Variants in MCM4 observed in about 807,000 individuals in gnomAD.
MCM4 encodes DNA replication licensing factor MCM4.
Under a neutral mutation model 88.7 loss-of-function variants are expected in MCM4, and 60 were observed. The observed-to-expected ratio is 0.68, with a 90% confidence interval of 0.55 to 0.84. MCM4 has a LOEUF of 0.84. Among genes scored for constraint, MCM4 ranks in the 40% least tolerant of loss-of-function variants. The pLI, the probability that MCM4 is intolerant of heterozygous loss-of-function variation, is 0.00. For missense variants in MCM4, 1,149 were observed against 1,105.5 expected, an observed-to-expected ratio of 1.04 and a Z score of -0.56; for synonymous variants, 465 against 410.5, an observed-to-expected ratio of 1.13 and a Z score of -1.61.
At chr8:47,966,637 A>C (rs1181438615) in intron 9 of MCM4, among the ~76,000 whole-genome samples, 1 of 152,210 alleles carries the variant, frequency 6.6e-6, no homozygotes, top group East Asian at 1.9e-4. Context: ...CTGTTGTTAG[A>C]GACACTGTAT....
At chr8:47,970,296 C>T (rs2090940741) in intron 11 of MCM4, among the ~76,000 whole-genome samples, 1 of 152,198 alleles carries the variant, frequency 6.6e-6, no homozygotes, top group South Asian at 2.1e-4. Context: ...AGAATAGGGA[C>T]TTGCATGGCC....
intron 7 of MCM4, 35 bp from the exon 8 acceptor site, chr8:47,964,539 T>C: frequency 1.3e-6 from 2 of 1,526,970 alleles, no homozygotes; most frequent in Non-Finnish European, 1.8e-6. Flanking sequence ...CACTGAGATA[T>C]GAATACAAAT....
rs1431616936 is a variant in MCM4, at chr8:47,962,869, T to C, written c.597+10T>C. On this transcript the variant is annotated intron_variant, in intron 6 of 16. Coordinates refer to ENST00000649973, the MANE Select transcript of MCM4 (RefSeq NM_182746.3). The stretch of plus-strand genomic sequence containing the variant: ...GCAACGACTTGGGGAGGTAATCAAA[T>C]ACTCTTTAAATTCAAGTTACGTGTT... The C allele has an allele frequency of 6.3e-7, 1 of 1,588,688 alleles. No individual in the cohort carries two copies. The highest frequency in any genetic ancestry group is 8.6e-7 in the Non-Finnish European group (1 of 1,166,992).
intron 9 of MCM4, among the ~76,000 whole-genome samples, chr8:47,966,718 T>C (rs1401795321): frequency 6.6e-6 from 1 of 152,260 alleles, no homozygotes; most frequent in Admixed American, 6.5e-5. Context: ...GCTTTTTCCA[T>C]TGGTAAAGGA....
In MCM4 at chr8:47,972,869, C is replaced by G. The variant is rs200176873; in HGVS notation, c.1941C>G (p.Ile647Met). The G allele has an allele frequency of 6.2e-7, 1 of 1,614,004 alleles. No individual in the cohort carries two copies. Among genetic ancestry groups the G allele is most frequent in the Non-Finnish European group, 8.5e-7 (1 of 1,179,910 alleles). ...TTTGTTTTCTTAGGTTTGATTTGAT[C>G]TTCCTCTTGCTGGACCCTCAGGACG... ...PHTLLSRFDL[I>M]FLLLDPQDEA... Residue 647 changes from isoleucine (I) to methionine (M), a missense_variant, in exon 14 of 17, where the codon ATC becomes ATG. Physicochemically the swap from Ile to Met is conservative, Grantham distance 10. Coordinates refer to ENST00000649973, the MANE Select transcript of MCM4 (RefSeq NM_182746.3).
Position 47,964,584 on chromosome 8 carries a change from C to G in MCM4, c.704C>G (p.Pro235Arg). ...TATTTGTTTTTACAGGAAGTTATTC[C>G]AACTTTTGACATGGCTGTCAATGAA... ...QLISYPQEVI[P>R]TFDMAVNEIF... Residue 235 changes from proline (P) to arginine (R), a missense_variant, in exon 8 of 17, where the codon CCA becomes CGA. Physicochemically the swap from Pro to Arg is moderately radical, Grantham distance 103. Around this residue, in one of 3 missense-constraint regions of MCM4, gnomAD observed 906 missense variants for 843.0 expected, o/e 1.07. Coordinates refer to ENST00000649973, the MANE Select transcript of MCM4 (RefSeq NM_182746.3). The G allele has an allele frequency of 3.1e-6, 5 of 1,588,350 alleles. No homozygotes were observed. Among genetic ancestry groups the G allele is most frequent in the Non-Finnish European group, 4.3e-6 (5 of 1,172,556 alleles).
rs1007825118 is a variant in MCM4 at position 47,966,511 on chromosome 8, G to T, written c.1053+104G>T. On this transcript the variant is annotated intron_variant, in intron 9 of 16. Transcript: ENST00000649973. ...GACCCTGAGCCTCACTTCCCGAATGGCATCCATCCCTCTCTGGTCTTGTGG... is the reference window on the plus strand; with the variant it reads ...GACCCTGAGCCTCACTTCCCGAATGTCATCCATCCCTCTCTGGTCTTGTGG... 1.8e-5 allele frequency: 20 copies of T among 1,139,958 alleles called. No homozygotes were observed. The African/African-American group carries it at 3.1e-4, about 18-fold the overall frequency. 70.6% of individuals were successfully genotyped at this position (1,139,958 alleles called of 1,614,324 possible).
At position 47,967,455 on chromosome 8, in the gene MCM4, G is replaced by A. The variant is rs909590367; in HGVS notation, c.1144G>A (p.Val382Ile). ...LFAHNDLVDKVQPGDRVNVTG... is the reference protein window; with the variant it reads ...LFAHNDLVDKIQPGDRVNVTG... Reference sequence around the variant, plus strand: ...TGCTCACAATGATCTCGTTGACAAGGTCCAGCCTGGGGACAGAGTGAATGT... The same window carrying A: ...TGCTCACAATGATCTCGTTGACAAGATCCAGCCTGGGGACAGAGTGAATGT... The change falls in exon 10 of 17, where the codon GTC (valine) becomes ATC (isoleucine). Residue 382 changes from valine to isoleucine, a missense_variant. Coordinates refer to ENST00000649973, the MANE Select transcript of MCM4 (RefSeq NM_182746.3). 6.2e-7 allele frequency: 1 copy of A among 1,614,158 alleles called. No individual in the cohort carries two copies.
chr8:47,968,297 T>G (rs1766191638), intron 10 of MCM4, among the ~76,000 whole-genome samples: 1 of 152,204 alleles, frequency 6.6e-6, no homozygotes, highest in Non-Finnish European at 1.5e-5. Flanking sequence ...GTGCTCACCC[T>G]GTTTCTTCCC....
rs1305969274 is a variant in MCM4 at position 47,977,616 on chromosome 8, G to A, written c.*838G>A. 1 of 152,180 alleles carries A rather than the reference G, an allele frequency of 6.6e-6. No individual in the cohort carries two copies. Among genetic ancestry groups the A allele is most frequent in the Non-Finnish European group, 1.5e-5 (1 of 68,084 alleles). 9.4% of individuals were successfully genotyped at this position (152,180 alleles called of 1,614,324 possible). On this transcript the variant is annotated 3_prime_UTR_variant, in exon 17 of 17. Transcript: ENST00000649973. ...CCTGGGCTCAGGTGTATGTCACTAT[G>A]CCCGGCTACTTTTTGTATTTTTTGG...
chr8:47,961,319 C>T (rs1476948799), intron 2 of MCM4, 105 bp downstream of exon 2: 4 of 1,444,222 alleles, frequency 2.8e-6, no homozygotes, highest in African/African-American at 2.9e-5. Context: ...GGGCGCTCAG[C>T]CTCGGGCTGG....
In MCM4 at chr8:47,963,059, C is replaced by T. The variant is rs748527906; in HGVS notation, c.693+19C>T. 8 of 1,400,354 alleles carry T rather than the reference C, an allele frequency of 5.7e-6. No individual in the cohort carries two copies. In the East Asian group the frequency reaches 1.6e-4, roughly 28 times the overall value. The allele number at this position is 1,400,354 out of a possible 1,614,324, so 86.7% of individuals were successfully genotyped here. On this transcript the variant is annotated intron_variant, in intron 7 of 16. Transcript: ENST00000649973. ...CCCACAGGTAAGAATTTAGCTTTGACCTTGATGAATTTTAGTAACAGTCTA... is the reference window on the plus strand; with the variant it reads ...CCCACAGGTAAGAATTTAGCTTTGATCTTGATGAATTTTAGTAACAGTCTA...
rs373393439 is a variant in MCM4 at position 47,962,059 on chromosome 8, C to T, written c.242C>T (p.Pro81Leu). 3.1e-6 allele frequency: 5 copies of T among 1,613,940 alleles called. No individual in the cohort carries two copies. Among genetic ancestry groups the T allele is most frequent in the Admixed American group, 1.7e-5 (1 of 59,982 alleles). ...CCTAATTTTGTTTTTATAGCTATCC[C>T]TCTTGACTTTGATGTTAGTTCACCA... ...SPPQMHSSAI[P>L]LDFDVSSPLT... Residue 81 changes from proline (P) to leucine (L), a missense_variant, in exon 4 of 17, where the codon CCT becomes CTT. By Grantham distance (98) the Pro-to-Leu change is moderately conservative. Transcript: ENST00000649973.
intron 14 of MCM4, 199 bp from the exon 15 acceptor site, chr8:47,974,535 C>T (rs185606789): frequency 1.5e-4 from 84 of 573,774 alleles, no homozygotes; most frequent in Non-Finnish European, 2.4e-4. Flanking sequence ...CCCACCACTG[C>T]ACGCTGCACG....
chr8:47,961,900 A>T, intron 3 of MCM4, 153 bp from the exon 4 acceptor site: 1 of 908,236 alleles, frequency 1.1e-6, no homozygotes, highest in Admixed American at 2.8e-5. Context: ...CTTTTTTTTA[A>T]TAGAACATTT....
intron 3 of MCM4, 121 bp from the exon 4 acceptor site, chr8:47,961,932 C>T: frequency 2.0e-6 from 2 of 1,004,798 alleles, no homozygotes; most frequent in Non-Finnish European, 3.0e-6. Flanking sequence ...GAATCTCAGC[C>T]ACCGCAGGTT....
chr8:47,961,642 A>T lies in MCM4; in HGVS notation c.197A>T (p.Asp66Val), dbSNP rs1381429191. Residue 66 changes from aspartate to valine, a missense_variant, in exon 3 of 17, where the codon GAC (aspartate) becomes GTC (valine). Asp to Val is a radical substitution (Grantham distance 152). Around this residue, in one of 3 missense-constraint regions of MCM4, gnomAD observed 906 missense variants for 843.0 expected, o/e 1.07. Transcript: ENST00000649973. ...GACCTGCAGAGCCCTGCTGCGCAGG[A>T]CGTGCTGTTTTCCAGCCCTCCCCAA... ...GVDLQSPAAQ[D>V]VLFSSPPQMH... is the part of the protein sequence containing the mutation. 6 of 1,612,978 alleles carry T rather than the reference A, an allele frequency of 3.7e-6. No homozygotes were observed. The East Asian group carries it at 1.3e-4, about 36-fold the overall frequency.
At chr8:47,968,671 G>A (rs1359904348) in intron 10 of MCM4, among the ~76,000 whole-genome samples, 2 of 152,206 alleles carry the variant, frequency 1.3e-5, no homozygotes, top group African/African-American at 2.4e-5. Flanking sequence ...AAGAATGTGT[G>A]TAAACTGGTT....
intron 7 of MCM4, 97 bp from the exon 8 acceptor site, chr8:47,964,477 A>G (rs759983034): frequency 2.3e-6 from 2 of 887,508 alleles, no homozygotes; most frequent in Non-Finnish European, 3.3e-6. Context: ...TGGGGACATG[A>G]CATGTTGTCT....
Sources: gnomAD v4.1 joint callset for allele counts (sites outside exome capture counted in the v4.1 genomes callset) on GRCh38, gnomAD v4.1.1 for gene constraint, gnomAD v4.1.1 regional missense constraint, MANE v1.5 for transcripts, NCBI Gene and HGNC (gene_info 2026-07-23, HGNC 2026-07-21) for gene names.